ZNF273: variants seen among roughly 807,000 people sequenced by gnomAD.
ZNF273 encodes zinc finger protein 9.
A neutral mutation model predicts 14.9 loss-of-function variants in ZNF273; 11 were observed. That is an observed-to-expected ratio of 0.74 (90% confidence interval 0.46 to 1.22). The LOEUF (loss-of-function observed/expected upper bound fraction) is 1.22. Among genes scored for constraint, ZNF273 ranks in the 50% most tolerant of loss-of-function variants. The probability of loss-of-function intolerance (pLI) is 0.00; values close to 1 mark genes in which losing one functional copy is unlikely to be tolerated. For synonymous variants in ZNF273, 199 were observed against 223.9 expected, an observed-to-expected ratio of 0.89 and a Z score of 0.99; for missense variants, 577 against 660.6, an observed-to-expected ratio of 0.87 and a Z score of 1.39.
downstream of ZNF273, chr7:64,889,187 C>T: frequency 1.0e-6 from 1 of 985,862 alleles, no homozygotes; most frequent in African/African-American, 1.7e-5. The surrounding 1 kb of genome is among the most constrained non-coding windows in gnomAD (Gnocchi z 4.2). Context: ...GGCGGCAGCC[C>T]CTGCAGTCAT....
At chr7:64,911,056 C>T (rs887851326) in intron 1 of ZNF273, among the ~76,000 whole-genome samples, 1 of 151,806 alleles carries the variant, frequency 6.6e-6, no homozygotes, top group African/African-American at 2.4e-5. Context: ...GTGAGTGAGC[C>T]ACTGCACTGG....
chr7:64,912,571 A>G (rs1251934123), intron 1 of ZNF273, among the ~76,000 whole-genome samples: 3 of 152,106 alleles, frequency 2.0e-5, no homozygotes, highest in African/African-American at 7.2e-5. Context: ...GAATCCAGTT[A>G]TCTACTGAGT....
chr7:64,890,613 T>G (rs994482135), downstream of ZNF273, among the ~76,000 whole-genome samples: 3 of 152,028 alleles, frequency 2.0e-5, no homozygotes, highest in Admixed American at 6.6e-5. Flanking sequence ...CAGTGGCAGG[T>G]CCCATGTCCC....
At chr7:64,889,804 A>C (rs537376645), downstream of ZNF273, 428 of 977,546 alleles carry the variant, frequency 4.4e-4, no homozygotes, top group Non-Finnish European at 5.0e-4. This position sits in a 1 kb window ranked among gnomAD's most constrained non-coding sequence, Gnocchi z 4.2. Flanking sequence ...CATTTTATTT[A>C]AAAAACCTGA....
chr7:64,934,456 C>T (rs574168986), downstream of ZNF273, among the ~76,000 whole-genome samples: 396 of 152,230 alleles, frequency 2.6e-3, 5 homozygotes, highest in African/African-American at 9.2e-3. Context: ...AGATTCAGGA[C>T]TTACATTTAA....
chr7:64,917,776 T>A, intron 2 of ZNF273, 69 bp downstream of exon 2: 1 of 1,477,568 alleles, frequency 6.8e-7, no homozygotes, highest in Non-Finnish European at 9.0e-7. Context: ...TTTTGGAAAT[T>A]TCTGCTTTGC....
chr7:64,931,520 TAA>T (rs1266314259), downstream of ZNF273, among the ~76,000 whole-genome samples: 1 of 152,196 alleles, frequency 6.6e-6, no homozygotes, highest in Non-Finnish European at 1.5e-5. Flanking sequence ...ATTAGTCTAT[TAA>T]GTTATATTTT....
At chr7:64,883,214 A>ACCGC (rs1554378894), downstream of ZNF273, among the ~76,000 whole-genome samples, 1 of 121,638 alleles carries the variant, frequency 8.2e-6, no homozygotes, top group Non-Finnish European at 1.7e-5. Context: ...CCAAATCACC[A>ACCGC]CCCCCCCCTC....
At chr7:64,921,648 C>T (rs1239482561) in intron 3 of ZNF273, among the ~76,000 whole-genome samples, 2 of 69,130 alleles carry the variant, frequency 2.9e-5, no homozygotes, top group African/African-American at 1.1e-4. Context: ...GTGTGTGAGA[C>T]AGAGTCTTGC....
downstream of ZNF273, among the ~76,000 whole-genome samples, chr7:64,894,482 T>A (rs1370316831): frequency 6.6e-6 from 1 of 152,202 alleles, no homozygotes; most frequent in Non-Finnish European, 1.5e-5. Flanking sequence ...GTATATAATA[T>A]GACATTTATA....
chr7:64,916,938 A>C (rs1418263044), intron 1 of ZNF273: 1 of 1,122,740 alleles, frequency 8.9e-7, no homozygotes, highest in Admixed American at 4.1e-5. Flanking sequence ...TGCATAAACC[A>C]TCACATTTAA....
intron 3 of ZNF273, among the ~76,000 whole-genome samples, chr7:64,921,760 G>A (rs1424530537): frequency 6.6e-6 from 1 of 151,316 alleles, no homozygotes; most frequent in Non-Finnish European, 1.5e-5. Context: ...CAAGTAACTG[G>A]GATTACAGGC....
chr7:64,905,420 CTTTTTTTTTTT>C (rs34374261), intron 1 of ZNF273, among the ~76,000 whole-genome samples: 1 of 84,190 alleles, frequency 1.2e-5, no homozygotes, highest in Admixed American at 1.4e-4. Flanking sequence ...GCTGGCCACA[CTTTTTTTTTTT>C]TTTTTTTTTT....
rs1472429617 is a variant in ZNF273 at position 64,929,503 on chromosome 7, A to G, written c.*465A>G. On this transcript the variant is annotated 3_prime_UTR_variant, in exon 4 of 4. Transcript: ENST00000476120. ...TGAATTTGGAAAAATATTTTTTTCAACAACAGCTTAGAAAACATGGGAGGA... is the reference window on the plus strand; with the variant it reads ...TGAATTTGGAAAAATATTTTTTTCAGCAACAGCTTAGAAAACATGGGAGGA... The G allele has an allele frequency of 1.3e-5, 2 of 152,380 alleles. No individual in the cohort carries two copies. Among genetic ancestry groups the G allele is most frequent in the African/African-American group, 2.4e-5 (1 of 41,468 alleles). The allele number at this position is 152,380 out of a possible 1,614,324, so 9.4% of individuals were successfully genotyped here.
chr7:64,888,320 G>T, intron 1 of ZNF273: 1 of 985,378 alleles, frequency 1.0e-6, no homozygotes, highest in Non-Finnish European at 1.2e-6. Flanking sequence ...CGCACAGGCT[G>T]CTCAACACCT....
At chr7:64,893,084 A>AT (rs1746277767), downstream of ZNF273, among the ~76,000 whole-genome samples, 3 of 147,766 alleles carry the variant, frequency 2.0e-5, no homozygotes, top group South Asian at 6.7e-4. Flanking sequence ...TTGCAGCTCC[A>AT]TTTTTCAGGC....
chr7:64,900,603 T>A (rs1259528945), upstream of ZNF273, among the ~76,000 whole-genome samples: 2 of 152,132 alleles, frequency 1.3e-5, no homozygotes, highest in African/African-American at 2.4e-5. Flanking sequence ...CCATTGAACG[T>A]TAAAGAAATA....
In ZNF273 at chr7:64,930,709, T is replaced by C. The variant is rs1794973075; in HGVS notation, c.*1671T>C. 1 of 152,248 alleles carries C rather than the reference T, an allele frequency of 6.6e-6. No homozygotes were observed. Among genetic ancestry groups the C allele is most frequent in the South Asian group, 2.1e-4 (1 of 4,834 alleles). 9.4% of individuals were successfully genotyped at this position (152,248 alleles called of 1,614,324 possible). On this transcript the variant is annotated 3_prime_UTR_variant, in exon 4 of 4. Transcript: ENST00000476120. ...CAGATAAGTTAAATATTCCCATAGG[T>C]TTTACATTTATATTTTTTCTTATTT...
In ZNF273 at chr7:64,917,819, A is replaced by C; in HGVS notation, c.229+112A>C. The C allele has an allele frequency of 2.6e-6, 3 of 1,170,266 alleles. No individual in the cohort carries two copies. The South Asian group carries it at 4.5e-5, about 18-fold the overall frequency. 72.5% of individuals were successfully genotyped at this position (1,170,266 alleles called of 1,614,324 possible). A position where few individuals can be genotyped will look rare whatever the true frequency, so the allele number is the denominator to read the frequency against. ...AATTTTAGATCCCTATTTTCAACAAAATCCTGGGGATTTGTTCATTTAGAA... is the reference window on the plus strand; with the variant it reads ...AATTTTAGATCCCTATTTTCAACAACATCCTGGGGATTTGTTCATTTAGAA... On this transcript the variant is annotated intron_variant, in intron 2 of 3. Coordinates refer to ENST00000476120, the MANE Select transcript of ZNF273 (RefSeq NM_021148.3).
Sources: allele counts gnomAD v4.1 joint callset (sites outside exome capture counted in the v4.1 genomes callset), GRCh38; gene constraint gnomAD v4.1.1; non-coding constraint Gnocchi (gnomAD v3.1); transcripts MANE v1.5; gene names NCBI Gene and HGNC (gene_info 2026-07-23, HGNC 2026-07-21).